The following AGAP1 variants were observed in gnomAD, a reference collection of about 807,000 sequenced individuals.
The protein encoded by AGAP1 is arf-GAP with GTPase, ANK repeat and PH domain-containing protein 1.
AGAP1 carries 29 observed loss-of-function variants against 105.3 expected under a neutral mutation model. The ratio of observed to expected loss-of-function variants is 0.28; its 90% CI spans 0.21 to 0.38. The LOEUF (loss-of-function observed/expected upper bound fraction) is 0.38, where lower values mean the gene tolerates loss of function less well. Ranked by LOEUF, AGAP1 falls within the 10% of genes least tolerant of loss-of-function variation. AGAP1 has a pLI of 1.00. For missense variants in AGAP1, 998 were observed against 1,165.1 expected, an observed-to-expected ratio of 0.86 and a Z score of 2.09; for synonymous variants, 509 against 485.9, an observed-to-expected ratio of 1.05 and a Z score of -0.63.
rs116211706 is a variant in AGAP1, at chr2:235,986,002, G to A, written c.1645+17379G>A. Reference sequence around the variant, plus strand: ...TTAAAATAGTTTTTTCCAATTCTGTGATGACTGTCAATGGTAGTTTCATAG... The same window carrying A: ...TTAAAATAGTTTTTTCCAATTCTGTAATGACTGTCAATGGTAGTTTCATAG... On this transcript the variant is annotated intron_variant, in intron 13 of 17. Transcript: ENST00000304032. 8.7e-3 allele frequency among the ~76,000 whole-genome samples: 1,320 copies of A among 152,278 alleles called. 10 individuals are homozygous for A. Among genetic ancestry groups the A allele is most frequent in the Non-Finnish European group, 0.013 (866 of 68,020 alleles).
chr2:235,746,639 C>A (rs1952976824), intron 5 of AGAP1, among the ~76,000 whole-genome samples: 2 of 151,878 alleles, frequency 1.3e-5, no homozygotes, highest in Non-Finnish European at 2.9e-5. Context: ...GATGCTCATC[C>A]ACAGCAGATT....
rs1330438926 is a variant in AGAP1, at chr2:235,620,908, C to T, written c.164-88271C>T. Among the ~76,000 whole-genome samples, 1 of 152,152 alleles carries T rather than the reference C, an allele frequency of 6.6e-6. No individual in the cohort carries two copies. Among genetic ancestry groups the T allele is most frequent in the Non-Finnish European group, 1.5e-5 (1 of 68,036 alleles). On this transcript the variant is annotated intron_variant, in intron 1 of 17. Transcript: ENST00000304032. This position sits in a 1 kb window ranked among gnomAD's most constrained non-coding sequence, Gnocchi z 4.5. ...TATTGGTGACAAGTTCTTGACTCCC[C>T]ATCACCTCTGATGGAGGGGGCTGGG...
chr2:236,107,074 A>C (rs1252880584), intron 16 of AGAP1, among the ~76,000 whole-genome samples: 1 of 152,168 alleles, frequency 6.6e-6, no homozygotes, highest in Non-Finnish European at 1.5e-5. Context: ...CCGAGGTTGC[A>C]GCAGCTGCTT....
At chr2:235,743,508 G>A (rs1193321895) in intron 4 of AGAP1, among the ~76,000 whole-genome samples, 4 of 152,132 alleles carry the variant, frequency 2.6e-5, no homozygotes, top group African/African-American at 9.7e-5. Flanking sequence ...CACTCTCTGT[G>A]GGAGCTGCTA....
intron 9 of AGAP1, among the ~76,000 whole-genome samples, chr2:235,880,326 G>A (rs985045739): frequency 1.3e-5 from 2 of 152,092 alleles, no homozygotes; most frequent in African/African-American, 4.8e-5. Context: ...CCGAGGGTGT[G>A]CGCCGTGGCC....
chr2:235,580,209 C>T (rs566139325), intron 1 of AGAP1, among the ~76,000 whole-genome samples: 18 of 152,098 alleles, frequency 1.2e-4, no homozygotes, highest in Non-Finnish European at 1.8e-4. Flanking sequence ...TATGAACGTG[C>T]GTGTACAGGG....
At position 235,671,225 on chromosome 2, in the gene AGAP1, G is replaced by C. The variant is rs748395719; in HGVS notation, c.164-37954G>C. On this transcript the variant is annotated intron_variant, in intron 1 of 17. Coordinates refer to ENST00000304032, the MANE Select transcript of AGAP1 (RefSeq NM_001037131.3). ...CCCCAGCAGGGCGCAGCGGTCCTGG[G>C]TTTTCTGGCTGCCCCTGCGCCTGGC... is the stretch of plus-strand genomic sequence containing the variant. Among the ~76,000 whole-genome samples, 83 of 152,216 alleles carry C rather than the reference G, an allele frequency of 5.5e-4. 2 individuals carry two copies. The highest frequency in any genetic ancestry group is 7.3e-4 in the Non-Finnish European group (50 of 68,038).
At chr2:236,043,142 G>C (rs2057605092) in intron 15 of AGAP1, among the ~76,000 whole-genome samples, 1 of 152,230 alleles carries the variant, frequency 6.6e-6, no homozygotes, top group Non-Finnish European at 1.5e-5. Flanking sequence ...TTTGGTTAAA[G>C]TACCGGGATA....
rs1246490311 is a variant in AGAP1 at position 236,080,460 on chromosome 2, G to A, written c.2114+31179G>A. 6.6e-6 allele frequency among the ~76,000 whole-genome samples: 1 copy of A among 152,156 alleles called. No individual in the cohort carries two copies. The highest frequency in any genetic ancestry group is 1.9e-4 in the East Asian group (1 of 5,188). On this transcript the variant is annotated intron_variant, in intron 16 of 17. Coordinates refer to ENST00000304032, the MANE Select transcript of AGAP1 (RefSeq NM_001037131.3). The surrounding 1 kb of genome is among the most constrained non-coding windows in gnomAD (Gnocchi z 4.2). Reference sequence around the variant, plus strand: ...GAATTCCCAGGCCAAGGGAAGAGTTGTTACGGAGACTCTATGGCCAAGAGG... The same window carrying A: ...GAATTCCCAGGCCAAGGGAAGAGTTATTACGGAGACTCTATGGCCAAGAGG...
rs1019690968 is a variant in AGAP1, at chr2:235,976,459, C to G, written c.1645+7836C>G. On this transcript the variant is annotated intron_variant, in intron 13 of 17. Transcript: ENST00000304032. The surrounding 1 kb of genome is among the most constrained non-coding windows in gnomAD (Gnocchi z 4.5). The stretch of plus-strand genomic sequence containing the variant: ...ATAAACAAAGATGAGTCGATCACAG[C>G]AGGGGCAGCCAGAACGGAAGATTCC... Among the ~76,000 whole-genome samples the G allele has an allele frequency of 6.6e-6, 1 of 152,196 alleles. No individual in the cohort carries two copies. Among genetic ancestry groups the G allele is most frequent in the African/African-American group, 2.4e-5 (1 of 41,450 alleles).
chr2:235,902,464 C>T (rs2051112041), intron 10 of AGAP1, among the ~76,000 whole-genome samples: 1 of 152,144 alleles, frequency 6.6e-6, no homozygotes, highest in African/African-American at 2.4e-5. Context: ...TGATGTCATA[C>T]CCCGGTCATT....
Position 236,124,103 on chromosome 2 carries a change from G to T in AGAP1, c.2555G>T (p.Arg852Met), listed in dbSNP as rs780295152. The change falls in exon 18 of 18, where the codon AGG becomes ATG. Residue 852 changes from arginine to methionine, a missense_variant. Arg to Met is a moderately conservative substitution (Grantham distance 91). Around this residue, in one of 3 missense-constraint regions of AGAP1, gnomAD observed 235 missense variants for 270.7 expected, o/e 0.87. Coordinates refer to ENST00000304032, the MANE Select transcript of AGAP1 (RefSeq NM_001037131.3). The surrounding 1 kb of genome is among the most constrained non-coding windows in gnomAD (Gnocchi z 5.1). The part of the protein sequence containing the change: ...RNNNRNNSSG[R>M]VPTII ...AATAACCGGAACAACAGCAGTGGGA[G>T]GGTGCCCACCATCATCTGAGGAACA... The T allele has an allele frequency of 1.2e-6, 2 of 1,614,076 alleles. No individual in the cohort carries two copies. The highest frequency in any genetic ancestry group is 1.7e-6 in the Non-Finnish European group (2 of 1,179,980).
rs2054271362 is a variant in AGAP1, at chr2:235,963,513, G to A, written c.1484-4949G>A. Among the ~76,000 whole-genome samples, 1 of 152,206 alleles carries A rather than the reference G, an allele frequency of 6.6e-6. No individual in the cohort carries two copies. The highest frequency in any genetic ancestry group is 2.1e-4 in the South Asian group (1 of 4,830). On this transcript the variant is annotated intron_variant, in intron 12 of 17. Transcript: ENST00000304032. The surrounding 1 kb of genome is among the most constrained non-coding windows in gnomAD (Gnocchi z 5.1). ...TCGTTTTCAGTTGTCAAAAATACGTGTGAGTTGGGTACCATATAGCCCTCA... is the reference window on the plus strand; with the variant it reads ...TCGTTTTCAGTTGTCAAAAATACGTATGAGTTGGGTACCATATAGCCCTCA...
At position 235,574,622 on chromosome 2, in the gene AGAP1, T is replaced by A. The variant is rs1408640639; in HGVS notation, c.163+79773T>A. ...AGTCAAGCAGTGTTCTTTTAGGTCC[T>A]TTTTGGTTCTGTGCGACAGTTAATG... On this transcript the variant is annotated intron_variant, in intron 1 of 17. Transcript: ENST00000304032. The surrounding 1 kb of genome is among the most constrained non-coding windows in gnomAD (Gnocchi z 5.0). 6.6e-6 allele frequency among the ~76,000 whole-genome samples: 1 copy of A among 152,242 alleles called. No individual in the cohort carries two copies. Among genetic ancestry groups the A allele is most frequent in the African/African-American group, 2.4e-5 (1 of 41,470 alleles).
rs1377213615 is a variant in AGAP1 at position 236,044,768 on chromosome 2, C to G, written c.1891+3927C>G. Among the ~76,000 whole-genome samples, 1 of 46,518 alleles carries G rather than the reference C, an allele frequency of 2.1e-5. No individual in the cohort carries two copies. Among genetic ancestry groups the G allele is most frequent in the Admixed American group, 2.3e-4 (1 of 4,314 alleles). The allele number at this position is 46,518 out of a possible 152,430, so 30.5% of individuals were successfully genotyped here. ...CTTCCCTGACCTCCAGGTTTGAAAT[C>G]ACACACACACACACACACACATCCC... is the stretch of plus-strand genomic sequence containing the variant. On this transcript the variant is annotated intron_variant, in intron 15 of 17. Transcript: ENST00000304032. This position sits in a 1 kb window ranked among gnomAD's most constrained non-coding sequence, Gnocchi z 5.7.
At chr2:235,707,866 C>CAT (rs1349951910) in intron 1 of AGAP1, among the ~76,000 whole-genome samples, 43 of 150,904 alleles carry the variant, frequency 2.8e-4, no homozygotes, top group Admixed American at 3.3e-4. Flanking sequence ...CATGGTAGGA[C>CAT]ATGCTCCCCA....
rs1442122652 is a variant in AGAP1 at position 235,889,845 on chromosome 2, A to T, written c.1155+6396A>T. 6.6e-6 allele frequency among the ~76,000 whole-genome samples: 1 copy of T among 152,172 alleles called. No homozygotes were observed. Among genetic ancestry groups the T allele is most frequent in the African/African-American group, 2.4e-5 (1 of 41,444 alleles). ...GAATAGCCAGGTCATAGGATGTGAT[A>T]ATTTCCCTGGAAATCAGAGGGGAAA... On this transcript the variant is annotated intron_variant, in intron 10 of 17. Coordinates refer to ENST00000304032, the MANE Select transcript of AGAP1 (RefSeq NM_001037131.3). The surrounding 1 kb of genome is among the most constrained non-coding windows in gnomAD (Gnocchi z 4.6).
intron 10 of AGAP1, among the ~76,000 whole-genome samples, chr2:235,903,204 C>A (rs958906535): frequency 1.3e-5 from 2 of 152,032 alleles, no homozygotes; most frequent in Non-Finnish European, 2.9e-5. Context: ...ATGGAGAAAA[C>A]GAATTGGAAC....
At chr2:235,510,054 C>G (rs1159403343) in intron 1 of AGAP1, among the ~76,000 whole-genome samples, 1 of 152,136 alleles carries the variant, frequency 6.6e-6, no homozygotes, top group Non-Finnish European at 1.5e-5. Context: ...TGTCTCCTGT[C>G]CCCCCCAGCT....
Sources: gnomAD v4.1 joint callset for allele counts (sites outside exome capture counted in the v4.1 genomes callset) on GRCh38, gnomAD v4.1.1 for gene constraint, gnomAD v4.1.1 regional missense constraint, Gnocchi (gnomAD v3.1) non-coding constraint, MANE v1.5 for transcripts, NCBI Gene and HGNC (gene_info 2026-07-23, HGNC 2026-07-21) for gene names.